The following INPP4B variants were observed in gnomAD, a reference collection of about 807,000 sequenced individuals.
The protein encoded by INPP4B is inositol polyphosphate 4-phosphatase type II.
Under a neutral mutation model 122.5 loss-of-function variants are expected in INPP4B, and 55 were observed. The ratio of observed to expected loss-of-function variants is 0.45; its 90% CI spans 0.36 to 0.56. The LOEUF is 0.56. Ranked by LOEUF, INPP4B falls within the 20% of genes least tolerant of loss-of-function variation. The pLI is 0.00. For missense variants in INPP4B, 1,000 were observed against 1,097.7 expected (o/e 0.91, Z 1.26); for synonymous variants, 403 against 388.7 (o/e 1.04, Z -0.43).
intron 25 of INPP4B, among the ~76,000 whole-genome samples, chr4:142,067,612 T>A (rs1764305271): frequency 6.6e-6 from 1 of 152,048 alleles, no homozygotes; most frequent in East Asian, 1.9e-4. Flanking sequence ...CTAACTAGAA[T>A]AAACGGTGTA....
At chr4:142,703,085 TA>T (rs1762023755) in intron 2 of INPP4B, among the ~76,000 whole-genome samples, 1 of 152,166 alleles carries the variant, frequency 6.6e-6, no homozygotes, top group Non-Finnish European at 1.5e-5. Flanking sequence ...AGACAATATG[TA>T]ATGATTAAAA....
chr4:142,611,639 T>C (rs1360034229), intron 2 of INPP4B, among the ~76,000 whole-genome samples: 1 of 12,054 alleles, frequency 8.3e-5, no homozygotes, highest in Non-Finnish European at 1.8e-4. Flanking sequence ...TCTTTTTTCT[T>C]TTTTTTTTTT....
chr4:142,169,326 C>T (rs1824395218), intron 16 of INPP4B, among the ~76,000 whole-genome samples: 1 of 151,396 alleles, frequency 6.6e-6, no homozygotes, highest in Non-Finnish European at 1.5e-5. Flanking sequence ...CATACTTTTG[C>T]CAATCTTAAA....
chr4:142,679,678 A>G (rs1758319025), intron 2 of INPP4B, among the ~76,000 whole-genome samples: 1 of 151,762 alleles, frequency 6.6e-6, no homozygotes, highest in Admixed American at 6.6e-5. Flanking sequence ...TCAAACCCAT[A>G]CATAGGATTA....
chr4:142,499,254 T>C (rs113641005), intron 2 of INPP4B, among the ~76,000 whole-genome samples: 1,762 of 152,238 alleles, frequency 0.012, 31 homozygotes, highest in African/African-American at 0.04. Context: ...TTGTTGTTCA[T>C]TTGACTTATC....
At chr4:142,439,410 C>T (rs995728121) in intron 3 of INPP4B, among the ~76,000 whole-genome samples, 5 of 152,200 alleles carry the variant, frequency 3.3e-5, no homozygotes, top group African/African-American at 1.2e-4. Context: ...AAATCTTTTG[C>T]ATGTCTCATT....
At chr4:142,530,963 CA>C (rs1827536981) in intron 2 of INPP4B, among the ~76,000 whole-genome samples, 1 of 151,812 alleles carries the variant, frequency 6.6e-6, no homozygotes, top group African/African-American at 2.4e-5. Context: ...AGTCATTAAC[CA>C]AAAGAAGTGT....
intron 7 of INPP4B, among the ~76,000 whole-genome samples, chr4:142,355,121 A>G (rs1783154439): frequency 6.6e-6 from 1 of 152,164 alleles, no homozygotes; most frequent in Admixed American, 6.5e-5. Context: ...TTCTGGAAGT[A>G]TTCCAAGAAG....
At chr4:142,280,292 G>T (rs934227295) in intron 9 of INPP4B, among the ~76,000 whole-genome samples, 1 of 151,828 alleles carries the variant, frequency 6.6e-6, no homozygotes, top group Admixed American at 6.6e-5. Flanking sequence ...GGAAACAATA[G>T]AAATATCCTT....
Position 142,276,192 on chromosome 4 carries a change from C to T in INPP4B, c.504-5418G>A, listed in dbSNP as rs550579604. 1.8e-4 allele frequency among the ~76,000 whole-genome samples: 27 copies of T among 151,938 alleles called. No individual in the cohort carries two copies. The South Asian group carries it at 5.6e-3, about 32-fold the overall frequency. Reference sequence around the variant, plus strand: ...CTTCTCCTGTGTTATACCTGAAGAACCTACTTCCCTTCCTCCAGTATCTGT... The same window carrying T: ...CTTCTCCTGTGTTATACCTGAAGAATCTACTTCCCTTCCTCCAGTATCTGT... On this transcript the variant is annotated intron_variant, in intron 9 of 25. Coordinates refer to ENST00000262992, the MANE Select transcript of INPP4B (RefSeq NM_001101669.3).
At chr4:142,162,196 A>T (rs746112768) in intron 16 of INPP4B, among the ~76,000 whole-genome samples, 9 of 151,720 alleles carry the variant, frequency 5.9e-5, no homozygotes, top group Non-Finnish European at 1.2e-4. Context: ...AGAATAAAAG[A>T]TTGAAAAATA....
intron 2 of INPP4B, among the ~76,000 whole-genome samples, chr4:142,537,740 A>T (rs62328347): frequency 1.4e-5 from 2 of 146,782 alleles, no homozygotes; most frequent in African/African-American, 2.5e-5. Context: ...TGTGTATATG[A>T]GTGTGTGTGT....
chr4:142,264,942 C>A (rs1247989837), intron 10 of INPP4B, among the ~76,000 whole-genome samples: 1 of 151,884 alleles, frequency 6.6e-6, no homozygotes, highest in Non-Finnish European at 1.5e-5. Flanking sequence ...CTCTCCCTTC[C>A]TTTCTCCTTT....
At chr4:142,350,067 G>A (rs879427920) in intron 7 of INPP4B, among the ~76,000 whole-genome samples, 2 of 151,876 alleles carry the variant, frequency 1.3e-5, no homozygotes, top group Admixed American at 6.6e-5. Context: ...CCTCTTCGGC[G>A]CTTAGAATGC....
intron 1 of INPP4B, among the ~76,000 whole-genome samples, chr4:142,738,981 C>T (rs1179239420): frequency 6.6e-6 from 1 of 152,048 alleles, no homozygotes; most frequent in Non-Finnish European, 1.5e-5. Context: ...ATAAGCTGTC[C>T]TGAAGAAGTT....
Position 142,760,551 on chromosome 4 carries a change from T to C in INPP4B, c.-253-34650A>G, listed in dbSNP as rs146568251. ...ATGCTGAAGAGCCACAATACTCTTA[T>C]AGAGCAATCAATTATGCTGAAAATT... On this transcript the variant is annotated intron_variant, in intron 1 of 25. Coordinates refer to ENST00000262992, the MANE Select transcript of INPP4B (RefSeq NM_001101669.3). 2.2e-3 allele frequency among the ~76,000 whole-genome samples: 331 copies of C among 152,208 alleles called. 3 individuals are homozygous for C. The highest frequency in any genetic ancestry group is 7.3e-3 in the African/African-American group (304 of 41,554).
chr4:142,555,399 G>T (rs1728924579), intron 2 of INPP4B, among the ~76,000 whole-genome samples: 1 of 152,114 alleles, frequency 6.6e-6, no homozygotes, highest in Admixed American at 6.5e-5. Flanking sequence ...GGAGAAAAGA[G>T]GCAAACATGA....
At chr4:142,126,472 A>G (rs1798664909) in intron 18 of INPP4B, among the ~76,000 whole-genome samples, 1 of 152,156 alleles carries the variant, frequency 6.6e-6, no homozygotes, top group South Asian at 2.1e-4. Context: ...AATGGCCCCA[A>G]CATAATAAAA....
intron 15 of INPP4B, among the ~76,000 whole-genome samples, chr4:142,179,618 T>C (rs1829934238): frequency 1.3e-5 from 2 of 151,326 alleles, no homozygotes; most frequent in African/African-American, 4.9e-5. Context: ...ATGTGTTTAC[T>C]GGTTCAGAAC....
Sources: allele counts gnomAD v4.1 joint callset (sites outside exome capture counted in the v4.1 genomes callset), GRCh38; gene constraint gnomAD v4.1.1; transcripts MANE v1.5; gene names NCBI Gene and HGNC (gene_info 2026-07-23, HGNC 2026-07-21).